SLC3A1: variants seen among roughly 807,000 people sequenced by gnomAD.
The protein encoded by SLC3A1 is amino acid transporter heavy chain SLC3A1.
SLC3A1 carries 78 observed loss-of-function variants against 60.3 expected under a neutral mutation model. The observed-to-expected ratio is 1.29, with a 90% CI of 1.08 to 1.56. The LOEUF is 1.56. SLC3A1 is among the 40% of genes most tolerant of loss of function. The pLI is 0.00. For synonymous variants in SLC3A1, 392 were observed against 307.9 expected (o/e 1.27, Z -2.86); for missense variants, 1,172 against 858.9 (o/e 1.36, Z -4.56).
At chr2:44,316,396 T>A (rs986758244) in intron 9 of SLC3A1, 1 of 152,194 alleles carries the variant, frequency 6.6e-6, no homozygotes, top group Non-Finnish European at 1.5e-5. Context: ...AGAACATAAG[T>A]GCTAATTAGT....
At position 44,301,339 on chromosome 2, in the gene SLC3A1, T is replaced by C. The variant is rs557147297; in HGVS notation, c.1136+212T>C. ...TTCAGTTTCCTCTTTTGTAAAATGA[T>C]GCAGATCACACTACGTACTTCACAG... On this transcript the variant is annotated intron_variant, in intron 6 of 9. Transcript: ENST00000260649. 1.7e-5 allele frequency: 11 copies of C among 665,280 alleles called. No individual in the cohort carries two copies. In the South Asian group the frequency reaches 1.9e-4, roughly 12 times the overall value. 41.2% of individuals were successfully genotyped at this position (665,280 alleles called of 1,614,324 possible).
downstream of SLC3A1, chr2:44,321,795 A>G: frequency 1.2e-6 from 2 of 1,613,826 alleles, no homozygotes; most frequent in African/African-American, 1.3e-5. Context: ...TAGTTCGGGA[A>G]TCTGTCCACT....
Position 44,321,240 on chromosome 2 carries a change from T to A in SLC3A1, c.*601T>A. ...AAAATTTAGATGGAGAAGCACATTT[T>A]AAAAAATTAATAACTTAAAAGTCTC... On this transcript the variant is annotated 3_prime_UTR_variant, in exon 10 of 10. Transcript: ENST00000260649. 2.1e-6 allele frequency: 2 copies of A among 931,430 alleles called. No homozygotes were observed. Among genetic ancestry groups the A allele is most frequent in the Non-Finnish European group, 3.2e-6 (2 of 621,798 alleles). The allele number at this position is 931,430 out of a possible 1,614,324, so 57.7% of individuals were successfully genotyped here.
intron 4 of SLC3A1, among the ~76,000 whole-genome samples, chr2:44,295,442 A>G (rs182858990): frequency 7.7e-4 from 117 of 152,260 alleles, no homozygotes; most frequent in African/African-American, 2.7e-3. Flanking sequence ...GGGAGTAAAG[A>G]GGGTTAACAA....
intron 7 of SLC3A1, among the ~76,000 whole-genome samples, chr2:44,305,511 T>G (rs541561086): frequency 1.1e-4 from 16 of 146,682 alleles, no homozygotes; most frequent in African/African-American, 4.0e-4. Context: ...TACTGCAACC[T>G]CCACCTCCTG....
Position 44,281,395 on chromosome 2 carries a change from T to G in SLC3A1, c.619T>G (p.Leu207Val). ...VAAIHDKGLKLIIDFIPNHTS... is the reference protein window; with the variant it reads ...VAAIHDKGLKVIIDFIPNHTS... ...TGTCTTTTACTCATTAGGTTTAAAA[T>G]TAATCATCGATTTCATACCAAACCA... Residue 207 changes from leucine (L) to valine (V), a missense_variant, in exon 3 of 10, where the codon TTA (leucine) becomes GTA (valine). By Grantham distance (32) the Leu-to-Val change is conservative. Transcript: ENST00000260649. 1 of 1,612,778 alleles carries G rather than the reference T, an allele frequency of 6.2e-7. No individual in the cohort carries two copies. Among genetic ancestry groups the G allele is most frequent in the Non-Finnish European group, 8.5e-7 (1 of 1,178,770 alleles).
chr2:44,317,951 T>A (rs575087265), intron 9 of SLC3A1: 1 of 264,894 alleles, frequency 3.8e-6, no homozygotes, highest in South Asian at 3.1e-5. Flanking sequence ...AATGAAGATA[T>A]AGCAAGCAAA....
In SLC3A1 at chr2:44,309,250, A is replaced by G. The variant is rs867559877; in HGVS notation, c.1333-3336A>G. 2.6e-5 allele frequency among the ~76,000 whole-genome samples: 4 copies of G among 152,036 alleles called. No homozygotes were observed. In the South Asian group the frequency reaches 6.2e-4, roughly 24 times the overall value. On this transcript the variant is annotated intron_variant, in intron 7 of 9. Transcript: ENST00000260649. ...ACTAACCCCTGATATCCTCCATTCT[A>G]TTTTCAGCCTCTATAAATTTGCCTA...
chr2:44,311,733 A>AC (rs1342847707), intron 7 of SLC3A1, among the ~76,000 whole-genome samples: 1 of 151,646 alleles, frequency 6.6e-6, no homozygotes, highest in African/African-American at 2.4e-5. Flanking sequence ...TAAAAAAAAA[A>AC]AAACCCAACC....
rs146630359 is a variant in SLC3A1 at position 44,275,766 on chromosome 2, T to A, written c.231T>A (p.Ser77=). 5,281 of 1,614,254 alleles carry A rather than the reference T, an allele frequency of 3.3e-3. 12 individuals are homozygous for A. The highest frequency in any genetic ancestry group is 3.9e-3 in the Non-Finnish European group (4,643 of 1,180,042). The change falls in exon 1 of 10, where the codon TCT becomes TCA. Residue 77 remains serine (S), a synonymous_variant. Transcript: ENST00000260649. ...GMPKEVLFQF[S]GQARYRIPRE... ...CCAAGGAGGTGCTGTTCCAGTTCTC[T>A]GGCCAGGCCCGCTACCGCATACCTC...
At position 44,306,965 on chromosome 2, in the gene SLC3A1, A is replaced by G. The variant is rs79497487; in HGVS notation, c.1332+2627A>G. On this transcript the variant is annotated intron_variant, in intron 7 of 9. Transcript: ENST00000260649. ...CCAGAGCATTTTCATCACCCCCAAA[A>G]TAAACCACATCTCCACTAGCAATAA... 2.8e-3 allele frequency among the ~76,000 whole-genome samples: 427 copies of G among 152,248 alleles called. 1 individual carries two copies. Among genetic ancestry groups the G allele is most frequent in the African/African-American group, 9.9e-3 (410 of 41,548 alleles).
At chr2:44,303,377 G>A (rs187744583) in intron 6 of SLC3A1, among the ~76,000 whole-genome samples, 64 of 151,126 alleles carry the variant, frequency 4.2e-4, no homozygotes, top group African/African-American at 1.5e-3. Context: ...CCGAGTAGCT[G>A]GGATTACAGG....
chr2:44,313,834 G>GAA lies in SLC3A1; in HGVS notation c.1501_1502dup (p.Asn501LysfsTer37). ...TTTCCCTTTCTGGTCTTTTGACATA[G>GAA]AATACCCTTCGCTCAAAGTCACCAA... On this transcript the variant is annotated frameshift_variant and splice_region_variant. Coordinates refer to ENST00000260649, the MANE Select transcript of SLC3A1 (RefSeq NM_000341.4). LOFTEE classifies it high-confidence loss of function. The GAA allele has an allele frequency of 3.1e-6, 5 of 1,611,742 alleles. No individual in the cohort carries two copies. The highest frequency in any genetic ancestry group is 4.2e-6 in the Non-Finnish European group (5 of 1,177,826).
At chr2:44,296,924 T>C (rs1433657696) in intron 4 of SLC3A1, among the ~76,000 whole-genome samples, 1 of 152,212 alleles carries the variant, frequency 6.6e-6, no homozygotes, top group Non-Finnish European at 1.5e-5. Flanking sequence ...CCTGCTGTCA[T>C]GTAAGATGTG....
At chr2:44,288,115 C>T (rs1456468775) in intron 4 of SLC3A1, among the ~76,000 whole-genome samples, 5 of 151,544 alleles carry the variant, frequency 3.3e-5, no homozygotes, top group Admixed American at 6.6e-5. Context: ...GCAACTTGTG[C>T]CTCCCAGGTT....
intron 4 of SLC3A1, among the ~76,000 whole-genome samples, chr2:44,291,103 C>T (rs1057016072): frequency 7.4e-4 from 112 of 152,296 alleles, no homozygotes; most frequent in African/African-American, 2.6e-3. Context: ...TCCAGACACT[C>T]GGACTTGAGT....
intron 4 of SLC3A1, among the ~76,000 whole-genome samples, chr2:44,287,634 C>T (rs540023895): frequency 6.6e-6 from 1 of 152,196 alleles, no homozygotes; most frequent in Non-Finnish European, 1.5e-5. Context: ...GGTTAGGGCG[C>T]TGAAGTAAGA....
chr2:44,287,372 A>G (rs527415559), intron 4 of SLC3A1, among the ~76,000 whole-genome samples: 1 of 152,312 alleles, frequency 6.6e-6, no homozygotes, highest in African/African-American at 2.4e-5. Context: ...TCGGGCAGAA[A>G]GAAGAACAAA....
chr2:44,281,225 C>T lies in SLC3A1; in HGVS notation c.611-162C>T, dbSNP rs529208750. On this transcript the variant is annotated intron_variant, in intron 2 of 9. Transcript: ENST00000260649. ...CCAGGCTGGAGTGCAGTGGTGCAAT[C>T]ATGGCTCACTTCAGCCTCCACCTCC... Among the ~76,000 whole-genome samples, 7 of 129,580 alleles carry T rather than the reference C, an allele frequency of 5.4e-5. No homozygotes were observed. The East Asian group carries it at 1.0e-3, about 18-fold the overall frequency. The allele number at this position is 129,580 out of a possible 152,430, so 85.0% of individuals were successfully genotyped here. A position where few individuals can be genotyped will look rare whatever the true frequency, so the allele number is the denominator to read the frequency against.
Sources: allele counts gnomAD v4.1 joint callset (sites outside exome capture counted in the v4.1 genomes callset), GRCh38; gene constraint gnomAD v4.1.1; transcripts MANE v1.5; gene names NCBI Gene and HGNC (gene_info 2026-07-23, HGNC 2026-07-21).